GPATCH2: variants seen among roughly 807,000 people sequenced by gnomAD.
GPATCH2 encodes the protein G-patch domain containing 2, also known as G patch domain-containing protein 2.
In GPATCH2, 51 loss-of-function variants were observed where a neutral mutation model predicts 58.0. The observed-to-expected ratio is 0.88, with a 90% CI of 0.70 to 1.11. The LOEUF (loss-of-function observed/expected upper bound fraction) is 1.11. Ranked by LOEUF, GPATCH2 falls within the 50% of genes most tolerant of loss-of-function variation. GPATCH2 has a pLI of 0.00. For synonymous variants in GPATCH2, 222 were observed against 218.5 expected, an observed-to-expected ratio of 1.02 and a Z score of -0.14; for missense variants, 625 against 652.2, an observed-to-expected ratio of 0.96 and a Z score of 0.45.
At chr1:217,508,994 C>T (rs1238176553) in intron 6 of GPATCH2, among the ~76,000 whole-genome samples, 2 of 151,954 alleles carry the variant, frequency 1.3e-5, no homozygotes, top group South Asian at 2.1e-4. Flanking sequence ...TTAAAATGAT[C>T]GCGTTTTTAT....
chr1:217,515,835 A>G (rs990930195), intron 5 of GPATCH2, among the ~76,000 whole-genome samples: 2 of 151,822 alleles, frequency 1.3e-5, no homozygotes, highest in Non-Finnish European at 2.9e-5. Context: ...TGTTAAGCAG[A>G]TATTTCCGAG....
At chr1:217,589,695 T>A (rs535276517) in intron 5 of GPATCH2, among the ~76,000 whole-genome samples, 1 of 152,194 alleles carries the variant, frequency 6.6e-6, no homozygotes, top group Admixed American at 6.5e-5. Flanking sequence ...ATTTTCCAGA[T>A]CCCAGGGAAA....
At chr1:217,630,116 G>T (rs1306903926) in intron 1 of GPATCH2, among the ~76,000 whole-genome samples, 1 of 152,124 alleles carries the variant, frequency 6.6e-6, no homozygotes, top group African/African-American at 2.4e-5. Flanking sequence ...GGGCTTGGGA[G>T]AAAAACAGGA....
intron 5 of GPATCH2, 28 bp downstream of exon 5, chr1:217,610,293 G>A (rs773685072): frequency 2.0e-6 from 3 of 1,499,864 alleles, no homozygotes; most frequent in African/African-American, 2.8e-5. Context: ...TTCCAAACAT[G>A]ACAATTACAC....
rs1477461533 is a variant in GPATCH2, at chr1:217,429,843, A to AG, written c.*1301_*1302insC. The AG allele has an allele frequency of 6.6e-6, 1 of 151,238 alleles. No homozygotes were observed. The highest frequency in any genetic ancestry group is 1.9e-4 in the East Asian group (1 of 5,172). 9.4% of individuals were successfully genotyped at this position (151,238 alleles called of 1,614,324 possible). On this transcript the variant is annotated 3_prime_UTR_variant, in exon 10 of 10. Transcript: ENST00000366935. The stretch of plus-strand genomic sequence containing the variant: ...ACTCTGTCAAAAAAAAAAAAAAAAA[A>AG]AAAGAAACAAAAAAACTCTTTTGGA...
chr1:217,556,059 T>G (rs1031201600), intron 5 of GPATCH2, among the ~76,000 whole-genome samples: 1 of 152,232 alleles, frequency 6.6e-6, no homozygotes, highest in Non-Finnish European at 1.5e-5. Flanking sequence ...GAATTACATC[T>G]TTATAATTTA....
At chr1:217,571,960 G>A (rs1259250300) in intron 5 of GPATCH2, among the ~76,000 whole-genome samples, 2 of 140,340 alleles carry the variant, frequency 1.4e-5, no homozygotes, top group African/African-American at 5.3e-5. Flanking sequence ...GAGGAAGGAA[G>A]GAAGGAAGGA....
chr1:217,629,486 T>C (rs1451970866), intron 1 of GPATCH2, among the ~76,000 whole-genome samples: 1 of 152,134 alleles, frequency 6.6e-6, no homozygotes, highest in Non-Finnish European at 1.5e-5. Context: ...CATTCTGATG[T>C]AGTCACCTAC....
chr1:217,575,800 C>T (rs1317256691), intron 5 of GPATCH2, among the ~76,000 whole-genome samples: 1 of 151,880 alleles, frequency 6.6e-6, no homozygotes, highest in Non-Finnish European at 1.5e-5. Flanking sequence ...ACTTTAAGTC[C>T]CTATAAAAGT....
At chr1:217,623,949 A>G (rs770550335) in intron 1 of GPATCH2, among the ~76,000 whole-genome samples, 3 of 152,134 alleles carry the variant, frequency 2.0e-5, no homozygotes, top group Non-Finnish European at 4.4e-5. Context: ...ATTTTAAAAA[A>G]CACTGTAATT....
chr1:217,543,739 T>C (rs1290497628), intron 5 of GPATCH2, among the ~76,000 whole-genome samples: 1 of 152,208 alleles, frequency 6.6e-6, no homozygotes, highest in Non-Finnish European at 1.5e-5. Context: ...AATTAAGTCA[T>C]GATAAACACC....
chr1:217,583,023 A>G (rs1327457898), intron 5 of GPATCH2, among the ~76,000 whole-genome samples: 1 of 152,238 alleles, frequency 6.6e-6, no homozygotes, highest in Non-Finnish European at 1.5e-5. Context: ...AAATATAGTA[A>G]CAATATGGAT....
intron 8 of GPATCH2, among the ~76,000 whole-genome samples, chr1:217,473,992 T>A (rs1469441309): frequency 1.3e-5 from 2 of 152,224 alleles, no homozygotes; most frequent in Non-Finnish European, 2.9e-5. Flanking sequence ...CCTTGAAATT[T>A]GATTATAGGA....
intron 5 of GPATCH2, among the ~76,000 whole-genome samples, chr1:217,552,244 A>AC (rs1302281457): frequency 1.3e-5 from 2 of 152,120 alleles, no homozygotes; most frequent in Non-Finnish European, 2.9e-5. Context: ...TACTGAAGCA[A>AC]CCTCAACTAA....
intron 1 of GPATCH2, among the ~76,000 whole-genome samples, 163 bp downstream of exon 1, chr1:217,630,753 T>C (rs1248184880): frequency 2.0e-5 from 3 of 152,192 alleles, no homozygotes; most frequent in African/African-American, 4.8e-5. Context: ...ACCCAAGAGC[T>C]CCCTCAAACT....
chr1:217,448,147 T>C (rs1659478054), intron 9 of GPATCH2, among the ~76,000 whole-genome samples: 1 of 151,892 alleles, frequency 6.6e-6, no homozygotes, highest in African/African-American at 2.4e-5. Context: ...ATCTTTTTTT[T>C]CCTCTTAAAC....
chr1:217,607,824 T>C (rs1179812406), intron 5 of GPATCH2, among the ~76,000 whole-genome samples: 10 of 152,222 alleles, frequency 6.6e-5, no homozygotes, highest in Admixed American at 4.6e-4. Flanking sequence ...AGATTCTTCC[T>C]CTGTCATTTC....
At chr1:217,559,868 CAGAGGGAGAGAGAG>C (rs913064621) in intron 5 of GPATCH2, among the ~76,000 whole-genome samples, 1 of 149,592 alleles carries the variant, frequency 6.7e-6, no homozygotes, top group African/African-American at 2.5e-5. Flanking sequence ...CACAAAAATC[CAGAGGGAGAGAGAG>C]AGAGAGAGAG....
intron 8 of GPATCH2, among the ~76,000 whole-genome samples, chr1:217,477,554 C>T (rs1026497749): frequency 4.6e-5 from 7 of 152,068 alleles, no homozygotes; most frequent in East Asian, 1.9e-4. Flanking sequence ...AAGACCCCTT[C>T]GGCCTTAAGG....
Sources: gnomAD v4.1 joint callset for allele counts (sites outside exome capture counted in the v4.1 genomes callset) on GRCh38, gnomAD v4.1.1 for gene constraint, MANE v1.5 for transcripts, NCBI Gene and HGNC (gene_info 2026-07-23, HGNC 2026-07-21) for gene names.